The following TGFBR3 variants were observed in gnomAD, a reference collection of about 807,000 sequenced individuals.
The protein encoded by TGFBR3 is transforming growth factor beta receptor 3.
TGFBR3 carries 46 observed loss-of-function variants against 87.9 expected under a neutral mutation model. The observed-to-expected ratio is 0.52, with a 90% CI of 0.41 to 0.67. TGFBR3 has a LOEUF of 0.67. TGFBR3 is among the 30% of genes least tolerant of loss of function. The probability of loss-of-function intolerance (pLI) is 0.00; values close to 1 mark genes in which losing one functional copy is unlikely to be tolerated. For missense variants in TGFBR3, 866 were observed against 1,041.9 expected, an observed-to-expected ratio of 0.83 and a Z score of 2.32; for synonymous variants, 381 against 391.6, an observed-to-expected ratio of 0.97 and a Z score of 0.32.
At chr1:91,856,458 A>G (rs1423387471) in intron 2 of TGFBR3, among the ~76,000 whole-genome samples, 1 of 150,820 alleles carries the variant, frequency 6.6e-6, no homozygotes, top group Non-Finnish European at 1.5e-5. Flanking sequence ...ACTCTCTATC[A>G]CAAGCAGAGA....
chr1:91,850,424 C>T (rs904183608), intron 2 of TGFBR3, among the ~76,000 whole-genome samples: 1 of 152,104 alleles, frequency 6.6e-6, no homozygotes, highest in Admixed American at 6.5e-5. Context: ...CAGGTGCATC[C>T]CACTGGAAAA....
intron 16 of TGFBR3, among the ~76,000 whole-genome samples, chr1:91,691,595 T>C (rs1474658496): frequency 6.6e-6 from 1 of 152,194 alleles, no homozygotes; most frequent in African/African-American, 2.4e-5. Flanking sequence ...ATTTGCGTCC[T>C]CTGTACGCTT....
chr1:91,797,209 GAAGAA>G, intron 3 of TGFBR3, 73 bp downstream of exon 3: 4 of 1,492,704 alleles, frequency 2.7e-6, no homozygotes, highest in Non-Finnish European at 3.7e-6. Flanking sequence ...CCCCAGAAGA[GAAGAA>G]AAGGACTTCT....
At chr1:91,805,685 CT>C (rs1675801341) in intron 2 of TGFBR3, among the ~76,000 whole-genome samples, 1 of 152,202 alleles carries the variant, frequency 6.6e-6, no homozygotes, top group South Asian at 2.1e-4. Flanking sequence ...CACATGGTGG[CT>C]CCCTGGGCCG....
rs1013054601 is a variant in TGFBR3 at position 91,698,778 on chromosome 1, A to T, written c.2288-648T>A. Reference sequence around the variant, plus strand: ...GCCTCGACCTCCCAAAGGCCGAGGGACTATAGGCGCGAGCCACTGCGCCCA... The same window carrying T: ...GCCTCGACCTCCCAAAGGCCGAGGGTCTATAGGCGCGAGCCACTGCGCCCA... On this transcript the variant is annotated intron_variant, in intron 14 of 16. Coordinates refer to ENST00000212355, the MANE Select transcript of TGFBR3 (RefSeq NM_003243.5). Among the ~76,000 whole-genome samples the T allele has an allele frequency of 2.1e-3, 315 of 152,296 alleles. 3 individuals carry two copies. Among genetic ancestry groups the T allele is most frequent in the African/African-American group, 6.9e-3 (287 of 41,560 alleles).
At chr1:91,728,010 G>T in intron 6 of TGFBR3, 1 of 611,226 alleles carries the variant, frequency 1.6e-6, no homozygotes, top group South Asian at 2.0e-5. Context: ...ACATATGCTT[G>T]CTGATAATTA....
At chr1:91,821,073 G>A (rs2101060522) in intron 2 of TGFBR3, among the ~76,000 whole-genome samples, 1 of 152,218 alleles carries the variant, frequency 6.6e-6, no homozygotes, top group East Asian at 1.9e-4. Context: ...GCTCATGACT[G>A]TAATCCCAGC....
At chr1:91,755,864 G>C (rs542704156) in intron 4 of TGFBR3, among the ~76,000 whole-genome samples, 27 of 152,204 alleles carry the variant, frequency 1.8e-4, no homozygotes, top group Middle Eastern at 3.4e-3. Flanking sequence ...AACCCCTTTT[G>C]ATCTGGGGCC....
chr1:91,729,341 C>T (rs1672680228), intron 6 of TGFBR3, among the ~76,000 whole-genome samples: 1 of 152,008 alleles, frequency 6.6e-6, no homozygotes, highest in Non-Finnish European at 1.5e-5. Flanking sequence ...CTCTGAGTGC[C>T]TAAGCGCTCT....
At chr1:91,700,208 C>T (rs1671575298) in intron 14 of TGFBR3, among the ~76,000 whole-genome samples, 1 of 152,138 alleles carries the variant, frequency 6.6e-6, no homozygotes, top group African/African-American at 2.4e-5. Flanking sequence ...CTGCTACAGA[C>T]CTTGACCCTA....
intron 2 of TGFBR3, among the ~76,000 whole-genome samples, chr1:91,818,278 CTTTTTTTTTTTTTTTTTTTTTTTTTTTTT>C (rs760050197): frequency 6.2e-5 from 2 of 32,496 alleles, no homozygotes; most frequent in African/African-American, 9.9e-5. Flanking sequence ...TAGCCCCAGC[CTTTTTTTTTTTTTTTTTTTTTTTTTTTTT>C]TTTTTTTTTT....
At chr1:91,729,529 G>C (rs11466587) in intron 6 of TGFBR3, among the ~76,000 whole-genome samples, 3 of 152,108 alleles carry the variant, frequency 2.0e-5, no homozygotes, top group Non-Finnish European at 4.4e-5. Context: ...CAGGCTTCAG[G>C]AATTCATCTG....
intron 2 of TGFBR3, among the ~76,000 whole-genome samples, chr1:91,800,373 G>A (rs2101014055): frequency 6.7e-6 from 1 of 148,258 alleles, no homozygotes; most frequent in South Asian, 2.1e-4. Context: ...AGCAGTTGTG[G>A]TGGTGCACAC....
At chr1:91,730,780 G>A (rs1223846842) in intron 5 of TGFBR3, among the ~76,000 whole-genome samples, 2 of 152,204 alleles carry the variant, frequency 1.3e-5, no homozygotes, top group African/African-American at 2.4e-5. Flanking sequence ...GAATTTGGGG[G>A]AAATAAAGAA....
At chr1:91,855,411 C>T (rs904079619) in intron 2 of TGFBR3, among the ~76,000 whole-genome samples, 6 of 152,166 alleles carry the variant, frequency 3.9e-5, no homozygotes, top group South Asian at 2.1e-4. Flanking sequence ...AACTGATTTC[C>T]CTGAATTCTC....
At chr1:91,883,264 C>T (rs1178089505) in intron 1 of TGFBR3, among the ~76,000 whole-genome samples, 1 of 152,084 alleles carries the variant, frequency 6.6e-6, no homozygotes, top group Admixed American at 6.6e-5. Flanking sequence ...CTCAGCCTCC[C>T]AAAGTGTTGG....
upstream of TGFBR3, among the ~76,000 whole-genome samples, chr1:91,887,262 T>G (rs112518552): frequency 4.1e-3 from 507 of 124,994 alleles, no homozygotes; most frequent in African/African-American, 9.1e-3. Context: ...TTTTTTTTTT[T>G]TGAGATGGAG....
chr1:91,683,936 C>T (rs747781320), intron 16 of TGFBR3, 79 bp from the exon 17 acceptor site: 621 of 1,343,592 alleles, frequency 4.6e-4, no homozygotes, highest in Non-Finnish European at 5.9e-4. Flanking sequence ...TCATTTATTC[C>T]GCATTTGCCA....
intron 2 of TGFBR3, among the ~76,000 whole-genome samples, chr1:91,829,063 C>T (rs1356933243): frequency 2.6e-5 from 4 of 152,086 alleles, no homozygotes; most frequent in Non-Finnish European, 4.4e-5. Flanking sequence ...GGCCATGACC[C>T]AAGCAGACAT....
Sources: gnomAD v4.1 joint callset for allele counts (sites outside exome capture counted in the v4.1 genomes callset) on GRCh38, gnomAD v4.1.1 for gene constraint, MANE v1.5 for transcripts, NCBI Gene and HGNC (gene_info 2026-07-23, HGNC 2026-07-21) for gene names.